The following JAZF1 variants were observed in gnomAD, a reference collection of about 807,000 sequenced individuals.
JAZF1 encodes juxtaposed with another zinc finger protein 1.
JAZF1 carries 8 observed loss-of-function variants against 26.4 expected under a neutral mutation model. The observed-to-expected ratio is 0.30, with a 90% CI of 0.18 to 0.55. The LOEUF is 0.55. JAZF1 is among the 20% of genes least tolerant of loss of function. The probability of loss-of-function intolerance (pLI) is 0.94; values close to 1 mark genes in which losing one functional copy is unlikely to be tolerated. For synonymous variants in JAZF1, 126 were observed against 122.3 expected (o/e 1.03, Z -0.20); for missense variants, 199 against 322.0 (o/e 0.62, Z 2.92).
At position 27,832,712 on chromosome 7, in the gene JAZF1, T is replaced by C; in HGVS notation, c.*88A>G. 1.8e-6 allele frequency: 2 copies of C among 1,084,086 alleles called. No individual in the cohort carries two copies. The highest frequency in any genetic ancestry group is 2.6e-6 in the Non-Finnish European group (2 of 770,316). The allele number at this position is 1,084,086 out of a possible 1,614,324, so 67.2% of individuals were successfully genotyped here. A position where few individuals can be genotyped will look rare whatever the true frequency, so the allele number is the denominator to read the frequency against. ...ATTTAATTCTTTTTCTTTAAAGGGTTGCTGAATGCTTCCCCTGAAAAAAGG... is the reference window on the plus strand; with the variant it reads ...ATTTAATTCTTTTTCTTTAAAGGGTCGCTGAATGCTTCCCCTGAAAAAAGG... On this transcript the variant is annotated 3_prime_UTR_variant, in exon 5 of 5. Transcript: ENST00000283928.
At chr7:27,955,611 C>T (rs1435498974) in intron 2 of JAZF1, among the ~76,000 whole-genome samples, 1 of 152,298 alleles carries the variant, frequency 6.6e-6, no homozygotes, top group South Asian at 2.1e-4. Flanking sequence ...CTGGGAATCA[C>T]GGAGAGGCTT....
intron 1 of JAZF1, among the ~76,000 whole-genome samples, chr7:28,086,729 G>A (rs919861710): frequency 1.3e-5 from 2 of 152,286 alleles, no homozygotes; most frequent in African/African-American, 4.8e-5. Context: ...GTCATAATAG[G>A]AGCGATGATT....
chr7:27,856,220 G>C (rs559200827), intron 3 of JAZF1, among the ~76,000 whole-genome samples: 10 of 152,312 alleles, frequency 6.6e-5, no homozygotes, highest in South Asian at 4.1e-4. Flanking sequence ...CGCTGGCTCA[G>C]GAGTGAAGCT....
At chr7:27,948,702 A>G (rs1469494306) in intron 2 of JAZF1, among the ~76,000 whole-genome samples, 2 of 152,208 alleles carry the variant, frequency 1.3e-5, no homozygotes, top group Non-Finnish European at 2.9e-5. Context: ...CTGTATATTG[A>G]CCACCTGTAT....
intron 2 of JAZF1, among the ~76,000 whole-genome samples, chr7:27,956,525 T>C (rs924023678): frequency 2.0e-5 from 3 of 152,202 alleles, no homozygotes; most frequent in African/African-American, 7.2e-5. Context: ...TCCCCTCCAC[T>C]TGGAATCTTC....
intron 4 of JAZF1, among the ~76,000 whole-genome samples, chr7:27,838,575 C>T (rs1782862095): frequency 6.6e-6 from 1 of 152,200 alleles, no homozygotes; most frequent in African/African-American, 2.4e-5. Flanking sequence ...CTTCTGGATT[C>T]TGCCCGAGTC....
At chr7:28,178,629 C>A (rs1452053469) in intron 1 of JAZF1, among the ~76,000 whole-genome samples, 1 of 152,076 alleles carries the variant, frequency 6.6e-6, no homozygotes, top group African/African-American at 2.4e-5. Flanking sequence ...CTTCACAGTA[C>A]CGGTGTTTTC....
intron 1 of JAZF1, among the ~76,000 whole-genome samples, chr7:28,172,125 G>A (rs931709287): frequency 1.3e-5 from 2 of 152,142 alleles, no homozygotes; most frequent in African/African-American, 2.4e-5. Context: ...CTTTTGGGCT[G>A]TATACTCTGA....
intron 3 of JAZF1, among the ~76,000 whole-genome samples, chr7:27,875,466 C>CT: frequency 6.6e-6 from 1 of 152,286 alleles, no homozygotes; most frequent in Non-Finnish European, 1.5e-5. Flanking sequence ...AACTTCCCCT[C>CT]AACGTAGCAA....
intron 1 of JAZF1, among the ~76,000 whole-genome samples, chr7:28,080,606 C>G (rs1457774433): frequency 6.6e-6 from 1 of 152,144 alleles, no homozygotes; most frequent in East Asian, 1.9e-4. Flanking sequence ...TACAGGTCAT[C>G]ATAAGGTTAT....
intron 3 of JAZF1, among the ~76,000 whole-genome samples, chr7:27,852,125 C>T (rs1187043397): frequency 7.0e-6 from 1 of 141,884 alleles, no homozygotes; most frequent in Non-Finnish European, 1.5e-5. Flanking sequence ...GCTCAATAAA[C>T]AGGACTTTTT....
chr7:27,860,573 G>A (rs557710195), intron 3 of JAZF1, among the ~76,000 whole-genome samples: 1 of 152,332 alleles, frequency 6.6e-6, no homozygotes, highest in Admixed American at 6.5e-5. Flanking sequence ...TCTAAGCGCT[G>A]TACATCTATT....
intron 3 of JAZF1, among the ~76,000 whole-genome samples, chr7:27,879,630 G>C (rs1402904525): frequency 6.6e-6 from 1 of 152,086 alleles, no homozygotes; most frequent in Non-Finnish European, 1.5e-5. Context: ...CCATTTAAAA[G>C]GGTGGGGCCT....
At chr7:28,144,743 T>C (rs1468965020) in intron 1 of JAZF1, among the ~76,000 whole-genome samples, 3 of 152,216 alleles carry the variant, frequency 2.0e-5, no homozygotes, top group East Asian at 3.8e-4. Flanking sequence ...ATTTATATTA[T>C]ACATGAGACT....
chr7:28,105,353 G>T (rs903988573), intron 1 of JAZF1, among the ~76,000 whole-genome samples: 11 of 152,190 alleles, frequency 7.2e-5, no homozygotes, highest in African/African-American at 2.4e-4. Flanking sequence ...CTAACATTTA[G>T]TTACCGCAGA....
intron 2 of JAZF1, among the ~76,000 whole-genome samples, chr7:27,915,436 G>C (rs1447898109): frequency 6.6e-6 from 1 of 152,084 alleles, no homozygotes; most frequent in Non-Finnish European, 1.5e-5. Context: ...ATCTTTCATG[G>C]GTTATTGCCT....
intron 4 of JAZF1, among the ~76,000 whole-genome samples, chr7:27,835,162 C>G (rs1183597796): frequency 6.6e-6 from 1 of 152,130 alleles, no homozygotes; most frequent in Non-Finnish European, 1.5e-5. Context: ...CAAAACCATT[C>G]AAACCTTGTC....
chr7:27,972,007 C>T (rs1029682908), intron 2 of JAZF1, among the ~76,000 whole-genome samples: 1 of 152,032 alleles, frequency 6.6e-6, no homozygotes, highest in East Asian at 1.9e-4. Flanking sequence ...TAACAGTGTA[C>T]TACCTACTGT....
chr7:27,866,657 A>T (rs567721872), intron 3 of JAZF1, among the ~76,000 whole-genome samples: 1 of 152,358 alleles, frequency 6.6e-6, no homozygotes, highest in East Asian at 1.9e-4. Flanking sequence ...GGAACCACAA[A>T]GGCCTAACAA....
Sources: allele counts gnomAD v4.1 joint callset (sites outside exome capture counted in the v4.1 genomes callset), GRCh38; gene constraint gnomAD v4.1.1; transcripts MANE v1.5; gene names NCBI Gene and HGNC (gene_info 2026-07-23, HGNC 2026-07-21).